SMYD3: variants seen among roughly 807,000 people sequenced by gnomAD.
SMYD3 encodes the protein SET and MYND domain containing 3.
A neutral mutation model predicts 57.7 loss-of-function variants in SMYD3; 36 were observed. That is an observed-to-expected ratio of 0.62 (90% confidence interval 0.48 to 0.82). SMYD3 has a LOEUF of 0.82. Ranked by LOEUF, SMYD3 falls within the 40% of genes least tolerant of loss-of-function variation. The pLI, the probability that SMYD3 is intolerant of heterozygous loss-of-function variation, is 0.00. For missense variants in SMYD3, 515 were observed against 538.8 expected, an observed-to-expected ratio of 0.96 and a Z score of 0.44; for synonymous variants, 211 against 195.0, an observed-to-expected ratio of 1.08 and a Z score of -0.68.
At position 245,854,741 on chromosome 1, in the gene SMYD3, C is replaced by G. The variant is rs532264301; in HGVS notation, c.1076+3755G>C. Among the ~76,000 whole-genome samples, 5 of 152,138 alleles carry G rather than the reference C, an allele frequency of 3.3e-5. No individual in the cohort carries two copies. In the East Asian group the frequency reaches 9.7e-4, roughly 29 times the overall value. On this transcript the variant is annotated intron_variant, in intron 10 of 11. Coordinates refer to ENST00000490107, the MANE Select transcript of SMYD3 (RefSeq NM_001167740.2). ...GAAATGAGTCTTTCCCCCAGCAAGA[C>G]AAGCAGGAAAAACGCAGAAGTGCAG...
At chr1:246,275,665 T>G (rs1466500833) in intron 5 of SMYD3, among the ~76,000 whole-genome samples, 5 of 150,974 alleles carry the variant, frequency 3.3e-5, no homozygotes, top group African/African-American at 1.2e-4. Context: ...TAGTGGAGTC[T>G]GATGCCCATG....
chr1:246,395,845 G>T (rs1364543781), intron 1 of SMYD3, among the ~76,000 whole-genome samples: 2 of 147,354 alleles, frequency 1.4e-5, no homozygotes, highest in Non-Finnish European at 3.0e-5. Flanking sequence ...CACTGTCAGG[G>T]GAGAGGAGCC....
At chr1:245,820,286 G>C (rs980558829) in intron 10 of SMYD3, among the ~76,000 whole-genome samples, 1 of 145,616 alleles carries the variant, frequency 6.9e-6, no homozygotes, top group Non-Finnish European at 1.5e-5. Flanking sequence ...CAGAGCCAAA[G>C]ACAAAAACCA....
Position 246,077,855 on chromosome 1 carries a change from T to C in SMYD3, c.532-147918A>G, listed in dbSNP as rs180829509. The stretch of plus-strand genomic sequence containing the variant: ...TTTATCAACTCTTTAAGGGAAGGAA[T>C]TGTGTTTTATGAATGACATTCTCAT... On this transcript the variant is annotated intron_variant, in intron 5 of 11. Coordinates refer to ENST00000490107, the MANE Select transcript of SMYD3 (RefSeq NM_001167740.2). Among the ~76,000 whole-genome samples, 8 of 152,266 alleles carry C rather than the reference T, an allele frequency of 5.3e-5. No individual in the cohort carries two copies. The East Asian group carries it at 1.5e-3, about 29-fold the overall frequency.
At chr1:246,280,640 T>A (rs1483125904) in intron 5 of SMYD3, among the ~76,000 whole-genome samples, 1 of 152,202 alleles carries the variant, frequency 6.6e-6, no homozygotes, top group Non-Finnish European at 1.5e-5. Context: ...TTTGGCAATC[T>A]CCTACTGTAG....
chr1:246,298,796 T>A (rs2064840993), intron 5 of SMYD3, among the ~76,000 whole-genome samples: 1 of 152,060 alleles, frequency 6.6e-6, no homozygotes, highest in Non-Finnish European at 1.5e-5. Context: ...CTTAAAAATT[T>A]CATGGGGAAA....
intron 1 of SMYD3, among the ~76,000 whole-genome samples, chr1:246,498,770 T>C (rs1259676744): frequency 1.3e-5 from 2 of 151,444 alleles, no homozygotes; most frequent in African/African-American, 4.8e-5. Flanking sequence ...TATACTTGCT[T>C]ATCTTAAAAA....
chr1:246,303,969 T>A (rs2064937712), intron 5 of SMYD3, among the ~76,000 whole-genome samples: 1 of 152,200 alleles, frequency 6.6e-6, no homozygotes, highest in African/African-American at 2.4e-5. Context: ...GGAAACTAAT[T>A]ATTGTGTTCA....
chr1:246,399,732 T>C (rs1030634358), intron 1 of SMYD3, among the ~76,000 whole-genome samples: 1 of 152,228 alleles, frequency 6.6e-6, no homozygotes, highest in Non-Finnish European at 1.5e-5. Context: ...AAGGAACTTA[T>C]GTCCTACCAA....
chr1:246,117,599 C>A (rs1269693780), intron 5 of SMYD3, among the ~76,000 whole-genome samples: 1 of 152,232 alleles, frequency 6.6e-6, no homozygotes, highest in Non-Finnish European at 1.5e-5. Flanking sequence ...CCACTCCTGA[C>A]CCCAGTGCTC....
chr1:246,171,516 C>T (rs960833534), intron 5 of SMYD3, among the ~76,000 whole-genome samples: 3 of 152,096 alleles, frequency 2.0e-5, no homozygotes, highest in Non-Finnish European at 4.4e-5. Flanking sequence ...TGATTTTGTC[C>T]TTGTGTCAAC....
intron 5 of SMYD3, among the ~76,000 whole-genome samples, chr1:246,197,813 A>G (rs938984481): frequency 6.6e-5 from 10 of 152,234 alleles, no homozygotes; most frequent in African/African-American, 2.2e-4. Context: ...TACAGAATAT[A>G]TAGGGGAACA....
At chr1:246,296,160 A>G (rs1390571562) in intron 5 of SMYD3, among the ~76,000 whole-genome samples, 2 of 152,328 alleles carry the variant, frequency 1.3e-5, no homozygotes, top group Non-Finnish European at 2.9e-5. Context: ...CATGCAGACT[A>G]TGCAGACAGA....
At chr1:246,110,171 A>C (rs575547425) in intron 5 of SMYD3, among the ~76,000 whole-genome samples, 1 of 152,308 alleles carries the variant, frequency 6.6e-6, no homozygotes, top group South Asian at 2.1e-4. Context: ...CATGCCACTG[A>C]GTAAGGGGTG....
intron 10 of SMYD3, among the ~76,000 whole-genome samples, chr1:245,821,278 C>CA (rs35667266): frequency 0.98 from 146,328 of 149,380 alleles, 71,716 homozygotes; most frequent in South Asian, 1. Context: ...ACAAACCTGA[C>CA]AAAAGAAGCA....
intron 10 of SMYD3, among the ~76,000 whole-genome samples, chr1:245,832,715 G>A (rs1278735691): frequency 6.6e-6 from 1 of 152,024 alleles, no homozygotes; most frequent in Non-Finnish European, 1.5e-5. Flanking sequence ...GGGACAAGTT[G>A]CTTTTCATAA....
chr1:245,780,349 A>G (rs989599356), intron 10 of SMYD3, among the ~76,000 whole-genome samples: 1 of 152,242 alleles, frequency 6.6e-6, no homozygotes, highest in African/African-American at 2.4e-5. Context: ...ATGAAAAGGA[A>G]TGAAGTGTTT....
intron 7 of SMYD3, among the ~76,000 whole-genome samples, chr1:245,922,607 A>ATT (rs1057273086): frequency 2.6e-5 from 1 of 38,554 alleles, no homozygotes; most frequent in Non-Finnish European, 2.9e-4. Flanking sequence ...CTCTAATGTC[A>ATT]TATTTTTTTT....
chr1:246,231,456 A>C (rs2148448487), intron 5 of SMYD3, among the ~76,000 whole-genome samples: 2 of 152,292 alleles, frequency 1.3e-5, no homozygotes, highest in South Asian at 4.2e-4. Context: ...ATGCACCAAT[A>C]ATTTTTTACA....
Sources: allele counts gnomAD v4.1 joint callset (sites outside exome capture counted in the v4.1 genomes callset), GRCh38; gene constraint gnomAD v4.1.1; transcripts MANE v1.5; gene names NCBI Gene and HGNC (gene_info 2026-07-23, HGNC 2026-07-21).